SMCO4: variants seen among roughly 807,000 people sequenced by gnomAD.
The protein encoded by SMCO4 is single-pass membrane protein with coiled-coil domains 4, also known as single-pass membrane and coiled-coil domain-containing protein 4.
In SMCO4, 4 loss-of-function variants were observed where a neutral mutation model predicts 3.6. The observed-to-expected ratio is 1.11, with a 90% CI of 0.54 to 2.53. The LOEUF is 2.53. SMCO4 is among the 30% of genes most tolerant of loss of function. The pLI is 0.02. For missense variants in SMCO4, 70 were observed against 80.8 expected (o/e 0.87, Z 0.51); for synonymous variants, 36 against 35.3 (o/e 1.02, Z -0.07).
At chr11:93,543,044 C>A (rs1487636668) in intron 1 of SMCO4, among the ~76,000 whole-genome samples, 2 of 151,866 alleles carry the variant, frequency 1.3e-5, no homozygotes, top group Non-Finnish European at 2.9e-5. Context: ...CCGCGACGGG[C>A]AGGCGAGCTC....
In SMCO4 at chr11:93,521,169, G is replaced by A. The variant is rs117728933; in HGVS notation, c.-153-21821C>T. On this transcript the variant is annotated intron_variant, in intron 1 of 2. Coordinates refer to ENST00000298966, the MANE Select transcript of SMCO4 (RefSeq NM_020179.3). ...GACATCTCTTTGTATGCACACACCT[G>A]CTCTGTTGCAACATTCACTTCCTTT... Among the ~76,000 whole-genome samples the A allele has an allele frequency of 9.1e-4, 138 of 152,214 alleles. 4 individuals carry two copies. In the East Asian group the frequency reaches 0.025, roughly 27 times the overall value.
chr11:93,542,107 T>TA (rs199813920), intron 1 of SMCO4, among the ~76,000 whole-genome samples: 12 of 20,044 alleles, frequency 6.0e-4, no homozygotes, highest in Middle Eastern at 0.022. Context: ...AGTTTATTTG[T>TA]AAAGGGGAAA....
At chr11:93,548,070 A>C (rs926837176), upstream of SMCO4, among the ~76,000 whole-genome samples, 1 of 152,212 alleles carries the variant, frequency 6.6e-6, no homozygotes, top group Non-Finnish European at 1.5e-5. Context: ...GTATGTTCAT[A>C]AACCTACTCC....
At chr11:93,488,467 G>A (rs115798721) in intron 2 of SMCO4, among the ~76,000 whole-genome samples, 3 of 152,226 alleles carry the variant, frequency 2.0e-5, no homozygotes, top group Non-Finnish European at 4.4e-5. Context: ...TCCAGGATAC[G>A]GGTAGATGTG....
chr11:93,498,118 G>A (rs10466333), intron 2 of SMCO4, among the ~76,000 whole-genome samples: 1 of 151,904 alleles, frequency 6.6e-6, no homozygotes. Context: ...CCCAATACAC[G>A]TCAAACCCAG....
upstream of SMCO4, among the ~76,000 whole-genome samples, chr11:93,543,873 C>A (rs1052902859): frequency 1.3e-5 from 2 of 152,194 alleles, no homozygotes; most frequent in African/African-American, 4.8e-5. Flanking sequence ...CGCTGTCTAC[C>A]CAAGTAGGCT....
At chr11:93,509,403 T>A (rs1275941056) in intron 1 of SMCO4, among the ~76,000 whole-genome samples, 2 of 152,082 alleles carry the variant, frequency 1.3e-5, no homozygotes, top group Admixed American at 1.3e-4. Context: ...TGGAAAACAG[T>A]GTGGAGATTC....
At chr11:93,482,946 T>C (rs566435671) in intron 2 of SMCO4, among the ~76,000 whole-genome samples, 1 of 152,278 alleles carries the variant, frequency 6.6e-6, no homozygotes, top group Admixed American at 6.5e-5. Flanking sequence ...GAATGATGTT[T>C]GAGGGGTCTA....
intron 2 of SMCO4, among the ~76,000 whole-genome samples, chr11:93,481,865 C>T (rs1010289649): frequency 2.0e-5 from 3 of 152,240 alleles, no homozygotes; most frequent in African/African-American, 4.8e-5. Flanking sequence ...CAGGTGGCAC[C>T]CCAGGCCTGG....
At chr11:93,516,080 G>C (rs1949005374) in intron 1 of SMCO4, among the ~76,000 whole-genome samples, 1 of 152,094 alleles carries the variant, frequency 6.6e-6, no homozygotes, top group Non-Finnish European at 1.5e-5. Flanking sequence ...TACTGCCTTG[G>C]ATTTTCTTGA....
chr11:93,493,495 A>G (rs1591307391), intron 2 of SMCO4, among the ~76,000 whole-genome samples: 1 of 152,102 alleles, frequency 6.6e-6, no homozygotes, highest in African/African-American at 2.4e-5. Flanking sequence ...CTGCACGCAT[A>G]CCCATGCCTG....
intron 1 of SMCO4, among the ~76,000 whole-genome samples, chr11:93,513,267 T>A (rs1054202263): frequency 6.6e-6 from 1 of 152,224 alleles, no homozygotes; most frequent in African/African-American, 2.4e-5. Flanking sequence ...AATAAGTCAA[T>A]ATATGTGAAG....
At chr11:93,485,254 T>A (rs1309618207) in intron 2 of SMCO4, among the ~76,000 whole-genome samples, 1 of 152,030 alleles carries the variant, frequency 6.6e-6, no homozygotes, top group Non-Finnish European at 1.5e-5. Context: ...CATCATAGGC[T>A]CAGCCCACAA....
At chr11:93,485,776 A>G (rs1327741033) in intron 2 of SMCO4, among the ~76,000 whole-genome samples, 1 of 152,256 alleles carries the variant, frequency 6.6e-6, no homozygotes, top group Non-Finnish European at 1.5e-5. Context: ...GAGTTAGAAT[A>G]GAAAATTCTG....
chr11:93,535,544 A>C, intron 1 of SMCO4: 22 of 1,440,080 alleles, frequency 1.5e-5, no homozygotes, highest in Non-Finnish European at 2.1e-5. Flanking sequence ...ATCAGGCAGC[A>C]TCATATCACC....
At chr11:93,481,168 C>A (rs1417761953) in intron 2 of SMCO4, among the ~76,000 whole-genome samples, 1 of 152,246 alleles carries the variant, frequency 6.6e-6, no homozygotes, top group Non-Finnish European at 1.5e-5. Flanking sequence ...AATCCAGGAC[C>A]AATCACTTAC....
chr11:93,478,961 T>G lies in SMCO4; in HGVS notation c.*49A>C, dbSNP rs201349404. On this transcript the variant is annotated 3_prime_UTR_variant, in exon 3 of 3. Transcript: ENST00000298966. ...AAGCCATTTTTTGTTTGCGTCCCCC[T>G]CCCGCGCCTCCTCTCCCTGCCGATG... is the stretch of plus-strand genomic sequence containing the variant. The G allele has an allele frequency of 8.3e-6, 13 of 1,562,696 alleles. No individual in the cohort carries two copies. The highest frequency in any genetic ancestry group is 1.1e-5 in the Non-Finnish European group (13 of 1,154,758).
At chr11:93,500,117 T>C (rs1035320456) in intron 1 of SMCO4, among the ~76,000 whole-genome samples, 1 of 152,248 alleles carries the variant, frequency 6.6e-6, no homozygotes, top group Non-Finnish European at 1.5e-5. Flanking sequence ...ATTACTAAAA[T>C]ACGTAAAGAT....
At chr11:93,533,993 C>G (rs1949188097) in intron 1 of SMCO4, among the ~76,000 whole-genome samples, 1 of 151,932 alleles carries the variant, frequency 6.6e-6, no homozygotes, top group Non-Finnish European at 1.5e-5. Flanking sequence ...TCAAGACCAG[C>G]CTGGCCAACA....
Sources: allele counts gnomAD v4.1 joint callset (sites outside exome capture counted in the v4.1 genomes callset), GRCh38; gene constraint gnomAD v4.1.1; transcripts MANE v1.5; gene names NCBI Gene and HGNC (gene_info 2026-07-23, HGNC 2026-07-21).